GLYAT: variants seen among roughly 807,000 people sequenced by gnomAD.
The protein encoded by GLYAT is glycine-N-acyltransferase, also known as glycine N-acyltransferase.
Under a neutral mutation model 22.8 loss-of-function variants are expected in GLYAT, and 25 were observed. The observed-to-expected ratio is 1.09, with a 90% CI of 0.80 to 1.53. The LOEUF (loss-of-function observed/expected upper bound fraction) is 1.53. GLYAT is among the 40% of genes most tolerant of loss of function. The probability of loss-of-function intolerance (pLI) is 0.00; values close to 1 mark genes in which losing one functional copy is unlikely to be tolerated. For synonymous variants in GLYAT, 140 were observed against 122.7 expected (o/e 1.14, Z -0.93); for missense variants, 411 against 353.9 (o/e 1.16, Z -1.29).
intron 1 of GLYAT, among the ~76,000 whole-genome samples, chr11:58,729,444 A>G (rs1275975950): frequency 6.6e-6 from 1 of 152,192 alleles, no homozygotes; most frequent in Non-Finnish European, 1.5e-5. Context: ...TATGCTGTTC[A>G]ACATGATGTT....
At chr11:58,715,802 G>A (rs2134483998) in intron 2 of GLYAT, among the ~76,000 whole-genome samples, 1 of 152,200 alleles carries the variant, frequency 6.6e-6, no homozygotes, top group South Asian at 2.1e-4. Flanking sequence ...TTACATGGAT[G>A]CATCACAGTT....
chr11:58,710,808 G>T, intron 4 of GLYAT, 47 bp from the exon 5 acceptor site: 1 of 1,184,160 alleles, frequency 8.4e-7, no homozygotes. Context: ...GTATATTCTA[G>T]ACTGAAGTTC....
At chr11:58,715,883 T>C (rs575398762) in intron 2 of GLYAT, among the ~76,000 whole-genome samples, 19 of 152,312 alleles carry the variant, frequency 1.2e-4, no homozygotes, top group Non-Finnish European at 2.6e-4. Flanking sequence ...CTTTATAGAA[T>C]GTTCTTTCAC....
At chr11:58,716,452 T>C (rs935078007) in intron 2 of GLYAT, among the ~76,000 whole-genome samples, 7 of 152,062 alleles carry the variant, frequency 4.6e-5, no homozygotes, top group African/African-American at 1.4e-4. Context: ...CTAAATCGAC[T>C]AAGTCTGAGT....
chr11:58,729,486 G>A (rs1220097637), intron 1 of GLYAT, among the ~76,000 whole-genome samples: 1 of 152,110 alleles, frequency 6.6e-6, no homozygotes, highest in African/African-American at 2.4e-5. Flanking sequence ...TTTTCTAGAT[G>A]TTGAATTCTT....
rs138330594 is a variant in GLYAT at position 58,714,807 on chromosome 11, T to C, written c.189+509A>G. Among the ~76,000 whole-genome samples the C allele has an allele frequency of 1.7e-3, 259 of 152,238 alleles. 11 individuals are homozygous for C. The East Asian group carries it at 0.036, about 21-fold the overall frequency. On this transcript the variant is annotated intron_variant, in intron 3 of 5. Transcript: ENST00000344743. ...CTTCCCAGCCATGCTGAACTATGAG[T>C]CAATTAAACGTCTTTCCTTGATAAA...
chr11:58,710,334 TG>T (rs1856598137), intron 5 of GLYAT, 166 bp from the exon 6 acceptor site: 31 of 1,210,016 alleles, frequency 2.6e-5, no homozygotes, highest in Non-Finnish European at 3.3e-5. Flanking sequence ...AGGTCAGAGC[TG>T]TTGGAGGAAG....
chr11:58,721,265 A>C (rs1258936580), intron 2 of GLYAT, among the ~76,000 whole-genome samples: 2 of 152,030 alleles, frequency 1.3e-5, no homozygotes, highest in Non-Finnish European at 2.9e-5. Flanking sequence ...TCAGGTGAAA[A>C]TCAAATAGTA....
At chr11:58,721,694 A>G (rs981915010) in intron 2 of GLYAT, among the ~76,000 whole-genome samples, 3 of 152,016 alleles carry the variant, frequency 2.0e-5, no homozygotes, top group Non-Finnish European at 4.4e-5. Context: ...TTAGGACCAA[A>G]TGCTGCTTTT....
chr11:58,713,824 A>G (rs767758876), intron 3 of GLYAT, among the ~76,000 whole-genome samples: 1 of 152,150 alleles, frequency 6.6e-6, no homozygotes, highest in Non-Finnish European at 1.5e-5. Flanking sequence ...ACCACATTTA[A>G]TAAAAGATCA....
At position 58,709,268 on chromosome 11, in the gene GLYAT, T is replaced by C. The variant is rs1474537632; in HGVS notation, c.*498A>G. On this transcript the variant is annotated 3_prime_UTR_variant, in exon 6 of 6. Transcript: ENST00000344743. ...GCCTAATATCCCATATATATTTGTG[T>C]CCAGTATATTTAATGTACCTATAAA... 2 of 154,840 alleles carry C rather than the reference T, an allele frequency of 1.3e-5. No homozygotes were observed. Among genetic ancestry groups the C allele is most frequent in the African/African-American group, 4.8e-5 (2 of 41,438 alleles). 9.6% of individuals were successfully genotyped at this position (154,840 alleles called of 1,614,324 possible). A position where few individuals can be genotyped will look rare whatever the true frequency, so the allele number is the denominator to read the frequency against.
At chr11:58,731,140 G>T (rs1856867518) in intron 1 of GLYAT, among the ~76,000 whole-genome samples, 1 of 152,108 alleles carries the variant, frequency 6.6e-6, no homozygotes, top group Non-Finnish European at 1.5e-5. Flanking sequence ...AATAAATCTT[G>T]TCTGTATTCT....
At chr11:58,712,336 T>C (rs1376366615) in intron 4 of GLYAT, among the ~76,000 whole-genome samples, 1 of 152,162 alleles carries the variant, frequency 6.6e-6, no homozygotes, top group African/African-American at 2.4e-5. Context: ...CAGCAAGTAA[T>C]AGGCAAATGC....
At chr11:58,710,532 A>T (rs1856601100) in intron 5 of GLYAT, 58 bp downstream of exon 5, 2 of 1,256,340 alleles carry the variant, frequency 1.6e-6, no homozygotes. Context: ...GCAGGGAGAG[A>T]AGTTGGGAGG....
rs1856583489 is a variant in GLYAT, at chr11:58,709,607, C to T, written c.*159G>A. 3 of 701,246 alleles carry T rather than the reference C, an allele frequency of 4.3e-6. No individual in the cohort carries two copies. Among genetic ancestry groups the T allele is most frequent in the Non-Finnish European group, 6.9e-6 (3 of 434,868 alleles). 43.4% of individuals were successfully genotyped at this position (701,246 alleles called of 1,614,324 possible). On this transcript the variant is annotated 3_prime_UTR_variant, in exon 6 of 6. Transcript: ENST00000344743. The stretch of plus-strand genomic sequence containing the variant: ...CTGAGAAACCTGTGAATGCAGGGAC[C>T]ATGGCGATGCTGTTGAACATCACAC...
chr11:58,723,088 C>T (rs1856771289), intron 2 of GLYAT, among the ~76,000 whole-genome samples: 1 of 151,922 alleles, frequency 6.6e-6, no homozygotes, highest in South Asian at 2.1e-4. Context: ...TGTTTAGGAT[C>T]CACTTAACAC....
intron 2 of GLYAT, among the ~76,000 whole-genome samples, chr11:58,722,508 G>A (rs181870003): frequency 1.3e-5 from 2 of 152,068 alleles, no homozygotes; most frequent in Admixed American, 6.6e-5. Flanking sequence ...TGAAGCAATG[G>A]CAGGAAGACT....
chr11:58,730,999 C>A (rs537894655), intron 1 of GLYAT, among the ~76,000 whole-genome samples: 2 of 152,030 alleles, frequency 1.3e-5, no homozygotes, highest in Admixed American at 6.6e-5. Context: ...CAAAACAGTT[C>A]ACATACAACA....
chr11:58,720,500 C>T (rs1856736088), intron 2 of GLYAT, among the ~76,000 whole-genome samples: 1 of 152,006 alleles, frequency 6.6e-6, no homozygotes, highest in South Asian at 2.1e-4. Flanking sequence ...AACGTCCAAG[C>T]TGTCCTCATT....
Sources: gnomAD v4.1 joint callset for allele counts (sites outside exome capture counted in the v4.1 genomes callset) on GRCh38, gnomAD v4.1.1 for gene constraint, MANE v1.5 for transcripts, NCBI Gene and HGNC (gene_info 2026-07-23, HGNC 2026-07-21) for gene names.